Variants in MAN1C1 observed in about 807,000 individuals in gnomAD.
MAN1C1 encodes the protein mannosyl-oligosaccharide 1,2-alpha-mannosidase IC.
Under a neutral mutation model 71.5 loss-of-function variants are expected in MAN1C1, and 49 were observed. The ratio of observed to expected loss-of-function variants is 0.69; its 90% CI spans 0.54 to 0.87. The LOEUF (loss-of-function observed/expected upper bound fraction) is 0.87, where lower values mean the gene tolerates loss of function less well. Among genes scored for constraint, MAN1C1 ranks in the 40% least tolerant of loss-of-function variants. The pLI is 0.00. For missense variants in MAN1C1, 743 were observed against 835.0 expected, an observed-to-expected ratio of 0.89 and a Z score of 1.36; for synonymous variants, 352 against 343.7, an observed-to-expected ratio of 1.02 and a Z score of -0.27.
intron 5 of MAN1C1, among the ~76,000 whole-genome samples, chr1:25,758,148 G>A (rs905104596): frequency 5.3e-5 from 8 of 152,164 alleles, no homozygotes; most frequent in East Asian, 1.9e-4. Flanking sequence ...ATTTGCACCC[G>A]AATCACAGCA....
rs1435345423 is a variant in MAN1C1, at chr1:25,634,110, T to C, written c.540+15773T>C. 6.6e-6 allele frequency among the ~76,000 whole-genome samples: 1 copy of C among 152,230 alleles called. No individual in the cohort carries two copies. Among genetic ancestry groups the C allele is most frequent in the East Asian group, 1.9e-4 (1 of 5,206 alleles). On this transcript the variant is annotated intron_variant, in intron 1 of 11. Transcript: ENST00000374332. The surrounding 1 kb of genome is among the most constrained non-coding windows in gnomAD (Gnocchi z 4.6). ...ATGACCTTATTGAACCAATTTATTA[T>C]GTATATATATTTTTTGGTAGCTTTC...
At chr1:25,710,762 G>T (rs2046602896) in intron 2 of MAN1C1, among the ~76,000 whole-genome samples, 1 of 152,158 alleles carries the variant, frequency 6.6e-6, no homozygotes, top group Admixed American at 6.5e-5. Flanking sequence ...GCTGCCCTTT[G>T]TTCAGAACCT....
chr1:25,627,218 T>C (rs2045308529), intron 1 of MAN1C1, among the ~76,000 whole-genome samples: 1 of 152,236 alleles, frequency 6.6e-6, no homozygotes, highest in South Asian at 2.1e-4. Flanking sequence ...ATTTTTCCAC[T>C]CTAGTGATTT....
intron 2 of MAN1C1, among the ~76,000 whole-genome samples, chr1:25,689,732 C>G (rs1482589584): frequency 6.6e-6 from 1 of 152,164 alleles, no homozygotes; most frequent in East Asian, 1.9e-4. Context: ...TTAATGTCCT[C>G]CCTATAGGCT....
chr1:25,668,937 A>G (rs1314105589), intron 1 of MAN1C1, among the ~76,000 whole-genome samples: 3 of 152,218 alleles, frequency 2.0e-5, no homozygotes, highest in African/African-American at 7.2e-5. Context: ...GCATACAGCC[A>G]TCAGCGACAG....
chr1:25,665,486 C>A (rs1001060569), intron 1 of MAN1C1, among the ~76,000 whole-genome samples: 1 of 152,182 alleles, frequency 6.6e-6, no homozygotes, highest in African/African-American at 2.4e-5. Flanking sequence ...CGGAAAAACG[C>A]TTCCAAATAG....
chr1:25,635,157 A>G (rs1326579860), intron 1 of MAN1C1, among the ~76,000 whole-genome samples: 1 of 152,080 alleles, frequency 6.6e-6, no homozygotes, highest in African/African-American at 2.4e-5. Context: ...GTGCTACCAT[A>G]TACCATGCTC....
intron 2 of MAN1C1, among the ~76,000 whole-genome samples, chr1:25,726,016 G>C (rs2046826459): frequency 6.6e-6 from 1 of 152,242 alleles, no homozygotes; most frequent in African/African-American, 2.4e-5. Flanking sequence ...GCCATTTACA[G>C]GCCATTGCAG....
chr1:25,628,998 A>G (rs182204463), intron 1 of MAN1C1, among the ~76,000 whole-genome samples: 18 of 152,342 alleles, frequency 1.2e-4, no homozygotes, highest in South Asian at 8.3e-4. Context: ...TCGTTGGCCA[A>G]TGGACACTTA....
intron 1 of MAN1C1, among the ~76,000 whole-genome samples, chr1:25,679,937 CAA>C (rs1237281245): frequency 8.2e-5 from 7 of 85,774 alleles, no homozygotes; most frequent in African/African-American, 3.2e-4. Context: ...ACCTCTGTCT[CAA>C]AAAAAAAAAA....
intron 1 of MAN1C1, chr1:25,646,194 T>A (rs2045610450): frequency 6.6e-6 from 1 of 152,292 alleles, no homozygotes; most frequent in Non-Finnish European, 1.5e-5. Context: ...TGTTCCTTCC[T>A]CCGTGCTGGT....
rs2047395727 is a variant in MAN1C1 at position 25,763,987 on chromosome 1, T to G, written c.1141+20T>G. 6.3e-7 allele frequency: 1 copy of G among 1,596,262 alleles called. No individual in the cohort carries two copies. Among genetic ancestry groups the G allele is most frequent in the Admixed American group, 1.7e-5 (1 of 59,976 alleles). ...TGCAACGTGAGTACAGAGACGCCAC[T>G]GCCCCTTATTCAGCGGGTTCCTGCC... On this transcript the variant is annotated intron_variant, in intron 7 of 11. Transcript: ENST00000374332.
intron 2 of MAN1C1, among the ~76,000 whole-genome samples, chr1:25,695,816 G>A (rs751992327): frequency 3.9e-5 from 6 of 152,258 alleles, no homozygotes; most frequent in Non-Finnish European, 5.9e-5. Context: ...CCGCTCTGGC[G>A]CCAGCAGCCG....
intron 1 of MAN1C1, among the ~76,000 whole-genome samples, chr1:25,665,227 G>A (rs1224068002): frequency 6.6e-6 from 1 of 152,176 alleles, no homozygotes; most frequent in African/African-American, 2.4e-5. Context: ...TTTCTGCAAT[G>A]TTGCCTGGTA....
chr1:25,644,226 A>G (rs2045578558), intron 1 of MAN1C1, among the ~76,000 whole-genome samples: 1 of 152,014 alleles, frequency 6.6e-6, no homozygotes, highest in Non-Finnish European at 1.5e-5. Flanking sequence ...TCCTGGGGGT[A>G]GTGGGTTTGC....
chr1:25,723,599 T>G (rs2124282152), intron 2 of MAN1C1, among the ~76,000 whole-genome samples: 1 of 152,326 alleles, frequency 6.6e-6, no homozygotes, highest in African/African-American at 2.4e-5. Flanking sequence ...TACCGTTGTC[T>G]TAGTGGAGTT....
At chr1:25,727,396 C>T (rs531280314) in intron 2 of MAN1C1, among the ~76,000 whole-genome samples, 6 of 152,272 alleles carry the variant, frequency 3.9e-5, no homozygotes, top group South Asian at 2.1e-4. Flanking sequence ...AGGCGGTGAG[C>T]GACTGTGTGA....
In MAN1C1 at chr1:25,753,819, G is replaced by A. The variant is rs1052754704; in HGVS notation, c.929+241G>A. On this transcript the variant is annotated intron_variant, in intron 5 of 11. Coordinates refer to ENST00000374332, the MANE Select transcript of MAN1C1 (RefSeq NM_020379.4). This position sits in a 1 kb window ranked among gnomAD's most constrained non-coding sequence, Gnocchi z 4.9. ...TCGGTGGCACGGTGAAAGTGCCAGC[G>A]ACTTCCCTGGACAGGTGTTTGTCAC... 1.3e-5 allele frequency among the ~76,000 whole-genome samples: 2 copies of A among 152,180 alleles called. No homozygotes were observed. The highest frequency in any genetic ancestry group is 4.8e-5 in the African/African-American group (2 of 41,444).
chr1:25,767,622 C>A (rs117517121), intron 7 of MAN1C1, among the ~76,000 whole-genome samples: 48,760 of 99,600 alleles, frequency 0.49, 14,653 homozygotes, highest in East Asian at 0.72. Context: ...ATCCACACTC[C>A]CCTCACACAC....
Sources: allele counts gnomAD v4.1 joint callset (sites outside exome capture counted in the v4.1 genomes callset), GRCh38; gene constraint gnomAD v4.1.1; non-coding constraint Gnocchi (gnomAD v3.1); transcripts MANE v1.5; gene names NCBI Gene and HGNC (gene_info 2026-07-23, HGNC 2026-07-21).